The following TSHZ2 variants were observed in gnomAD, a reference collection of about 807,000 sequenced individuals.
The protein encoded by TSHZ2 is teashirt homolog 2.
In TSHZ2, 21 loss-of-function variants were observed where a neutral mutation model predicts 74.4. The observed-to-expected ratio is 0.28, with a 90% CI of 0.20 to 0.41. The LOEUF (loss-of-function observed/expected upper bound fraction) is 0.41, where lower values mean the gene tolerates loss of function less well. Among genes scored for constraint, TSHZ2 ranks in the 10% least tolerant of loss-of-function variants. The pLI, the probability that TSHZ2 is intolerant of heterozygous loss-of-function variation, is 1.00. For synonymous variants in TSHZ2, 540 were observed against 515.3 expected, an observed-to-expected ratio of 1.05 and a Z score of -0.65; for missense variants, 1,244 against 1,293.5, an observed-to-expected ratio of 0.96 and a Z score of 0.59.
chr20:53,458,508 C>A (rs1985209470), intron 2 of TSHZ2, among the ~76,000 whole-genome samples: 1 of 152,146 alleles, frequency 6.6e-6, no homozygotes, highest in Non-Finnish European at 1.5e-5. Context: ...TTCAAAAAAC[C>A]AGCTCCTGGA....
chr20:53,413,945 C>T (rs1983145179), intron 2 of TSHZ2, among the ~76,000 whole-genome samples: 2 of 151,906 alleles, frequency 1.3e-5, no homozygotes, highest in Admixed American at 6.6e-5. Context: ...AGTTGGAGAC[C>T]AGCCTGGGCA....
chr20:53,346,707 C>G (rs1398647381), intron 2 of TSHZ2, among the ~76,000 whole-genome samples: 2 of 152,130 alleles, frequency 1.3e-5, no homozygotes, highest in Admixed American at 6.6e-5. Flanking sequence ...GTGGAAGTGT[C>G]CGTCTCAAAT....
chr20:52,973,288 T>A lies in TSHZ2; in HGVS notation c.-6T>A. Reference sequence around the variant, plus strand: ...CGCCAGAAGTGGGACTGGAGCGAAGTAGAGGATGCCGAGGAGAAAACAGCA... The same window carrying A: ...CGCCAGAAGTGGGACTGGAGCGAAGAAGAGGATGCCGAGGAGAAAACAGCA... On this transcript the variant is annotated 5_prime_UTR_variant, in exon 1 of 3. The change abolishes the stop of an existing upstream ORF in the 5' untranslated region. Transcript: ENST00000371497. The A allele has an allele frequency of 6.4e-7, 1 of 1,552,784 alleles. No homozygotes were observed. Among genetic ancestry groups the A allele is most frequent in the Non-Finnish European group, 8.7e-7 (1 of 1,147,364 alleles).
intron 1 of TSHZ2, among the ~76,000 whole-genome samples, chr20:53,020,123 A>T (rs1466826133): frequency 2.0e-5 from 3 of 152,038 alleles, no homozygotes; most frequent in African/African-American, 7.2e-5. Flanking sequence ...CATGGGGGAA[A>T]CCACCCCCAT....
At chr20:53,446,594 A>G (rs1806659) in intron 2 of TSHZ2, among the ~76,000 whole-genome samples, 9,112 of 150,196 alleles carry the variant, frequency 0.061, 405 homozygotes, top group South Asian at 0.22. Context: ...AAAAAAAAAA[A>G]AGAGAGAGAA....
intron 1 of TSHZ2, among the ~76,000 whole-genome samples, chr20:53,197,167 G>A (rs867890763): frequency 2.0e-5 from 3 of 152,312 alleles, no homozygotes; most frequent in South Asian, 2.1e-4. Context: ...TCCAATCAGC[G>A]AGGAAGGTTT....
intron 1 of TSHZ2, among the ~76,000 whole-genome samples, chr20:52,994,257 C>T (rs932813653): frequency 1.3e-5 from 2 of 152,058 alleles, no homozygotes; most frequent in Non-Finnish European, 1.5e-5. Context: ...AAGAAGGCAC[C>T]CAGTGAGGTC....
intron 1 of TSHZ2, among the ~76,000 whole-genome samples, chr20:52,994,466 A>G (rs375805150): frequency 7.3e-4 from 111 of 152,154 alleles, no homozygotes; most frequent in African/African-American, 2.6e-3. Flanking sequence ...GGATGGATGG[A>G]TGGATGAATA....
At chr20:53,455,926 T>G (rs1416451432) in intron 2 of TSHZ2, among the ~76,000 whole-genome samples, 6 of 151,746 alleles carry the variant, frequency 4.0e-5, no homozygotes, top group Non-Finnish European at 8.9e-5. Context: ...TTCCATGGTG[T>G]ATATGTGCCA....
intron 1 of TSHZ2, among the ~76,000 whole-genome samples, chr20:53,031,214 A>G (rs989877244): frequency 6.6e-6 from 1 of 152,182 alleles, no homozygotes; most frequent in Non-Finnish European, 1.5e-5. Flanking sequence ...GGCTTGCTTA[A>G]TGGGATTTGA....
At chr20:53,190,086 A>AATATATATATATATATATATATAT (rs544193424) in intron 1 of TSHZ2, among the ~76,000 whole-genome samples, 1 of 25,098 alleles carries the variant, frequency 4.0e-5, no homozygotes, top group Admixed American at 4.9e-4. Flanking sequence ...CCCTGTCTCA[A>AATATATATATATATATATATATAT]ATATATATAT....
At chr20:53,469,752 GAAA>G (rs1985723903) in intron 2 of TSHZ2, among the ~76,000 whole-genome samples, 2 of 120,712 alleles carry the variant, frequency 1.7e-5, no homozygotes, top group South Asian at 3.4e-4. Flanking sequence ...AAGGACCCAA[GAAA>G]GATAGAGAGG....
At chr20:53,025,939 C>G (rs909025746) in intron 1 of TSHZ2, among the ~76,000 whole-genome samples, 41 of 152,124 alleles carry the variant, frequency 2.7e-4, no homozygotes, top group African/African-American at 9.7e-4. Flanking sequence ...AGACAGTAGT[C>G]CCTGAGAAAA....
chr20:53,092,071 TTTTG>T (rs1233421366), intron 1 of TSHZ2, among the ~76,000 whole-genome samples: 7 of 151,950 alleles, frequency 4.6e-5, no homozygotes, highest in Admixed American at 2.0e-4. Context: ...AAACCGATGC[TTTTG>T]TTTGTTTCCC....
At chr20:53,078,418 G>A (rs1349144002) in intron 1 of TSHZ2, among the ~76,000 whole-genome samples, 2 of 152,030 alleles carry the variant, frequency 1.3e-5, no homozygotes, top group South Asian at 2.1e-4. Context: ...ATAAATACTC[G>A]TTAAATATTT....
At chr20:53,224,131 A>C (rs1372829336) in intron 1 of TSHZ2, among the ~76,000 whole-genome samples, 3 of 152,216 alleles carry the variant, frequency 2.0e-5, no homozygotes, top group Non-Finnish European at 2.9e-5. Flanking sequence ...AAAAAGTTGA[A>C]AAATACATAT....
intron 1 of TSHZ2, among the ~76,000 whole-genome samples, chr20:53,101,302 C>T (rs576499717): frequency 2.1e-4 from 32 of 152,150 alleles, no homozygotes; most frequent in Non-Finnish European, 3.8e-4. Flanking sequence ...AGATCGTCAC[C>T]AAAATTATTG....
intron 1 of TSHZ2, among the ~76,000 whole-genome samples, chr20:53,089,422 A>T (rs989573182): frequency 6.6e-6 from 1 of 150,534 alleles, no homozygotes; most frequent in South Asian, 2.1e-4. Context: ...ATAGAAAGAG[A>T]TAAGTAGGGA....
chr20:53,092,627 T>G (rs1001375762), intron 1 of TSHZ2, among the ~76,000 whole-genome samples: 6 of 152,238 alleles, frequency 3.9e-5, no homozygotes, highest in African/African-American at 1.2e-4. Context: ...AGTTGTAATT[T>G]GTATATTGCT....
Sources: allele counts gnomAD v4.1 joint callset (sites outside exome capture counted in the v4.1 genomes callset), GRCh38; gene constraint gnomAD v4.1.1; transcripts MANE v1.5; gene names NCBI Gene and HGNC (gene_info 2026-07-23, HGNC 2026-07-21).